The following GNAL variants were observed in gnomAD, a reference collection of about 807,000 sequenced individuals.
GNAL encodes G protein subunit alpha L, also known as guanine nucleotide-binding protein G(olf) subunit alpha.
A neutral mutation model predicts 55.1 loss-of-function variants in GNAL; 18 were observed. The ratio of observed to expected loss-of-function variants is 0.33; its 90% CI spans 0.23 to 0.48. The LOEUF (loss-of-function observed/expected upper bound fraction) is 0.48. Ranked by LOEUF, GNAL falls within the 20% of genes least tolerant of loss-of-function variation. The probability of loss-of-function intolerance (pLI) is 0.99; values close to 1 mark genes in which losing one functional copy is unlikely to be tolerated. For missense variants in GNAL, 412 were observed against 614.1 expected (o/e 0.67, Z 3.48); for synonymous variants, 253 against 237.0 (o/e 1.07, Z -0.62).
Position 11,743,183 on chromosome 18 carries a change from CAG to C in GNAL, c.377-9669_377-9668del, listed in dbSNP as rs60006476. On this transcript the variant is annotated intron_variant, in intron 1 of 11. Transcript: ENST00000334049. ...GCTAGTTCTAGGATTCATGTGGAAT[CAG>C]GTGTTAGCCTAGGGGCCACATGAGA... Among the ~76,000 whole-genome samples, 1,271 of 152,236 alleles carry C rather than the reference CAG, an allele frequency of 8.3e-3. 12 individuals are homozygous for C. Among genetic ancestry groups the C allele is most frequent in the African/African-American group, 0.029 (1,216 of 41,532 alleles).
Position 11,689,986 on chromosome 18 carries a change from C to T in GNAL, c.376+47C>T, listed in dbSNP as rs548003456. 1,317 of 1,109,764 alleles carry T rather than the reference C, an allele frequency of 1.2e-3. 13 individuals are homozygous for T. In the African/African-American group the frequency reaches 0.023, roughly 20 times the overall value. The allele number at this position is 1,109,764 out of a possible 1,614,324, so 68.7% of individuals were successfully genotyped here. A position where few individuals can be genotyped will look rare whatever the true frequency, so the allele number is the denominator to read the frequency against. On this transcript the variant is annotated intron_variant, in intron 1 of 11. Transcript: ENST00000334049. ...GGCTGACGCCCCGGGGACAGCGCGC[C>T]GGGCCCGCGGGGGCGGCGGGCACCG...
At chr18:11,794,220 A>G (rs778882383) in intron 4 of GNAL, among the ~76,000 whole-genome samples, 1 of 152,226 alleles carries the variant, frequency 6.6e-6, no homozygotes, top group Non-Finnish European at 1.5e-5. Flanking sequence ...ACATAGTACT[A>G]CCAAATGAAC....
chr18:11,818,025 C>T lies in GNAL; in HGVS notation c.625-6893C>T, dbSNP rs1040889476. 6.0e-5 allele frequency among the ~76,000 whole-genome samples: 9 copies of T among 150,822 alleles called. No individual in the cohort carries two copies. In the East Asian group the frequency reaches 1.8e-3, roughly 30 times the overall value. The stretch of plus-strand genomic sequence containing the variant: ...CTGAGACGGGCGGATCACTTGAGGC[C>T]AGCCTGGCCAATGTGGCAAAACCCC... On this transcript the variant is annotated intron_variant, in intron 4 of 11. Transcript: ENST00000334049.
At chr18:11,776,153 ACT>A (rs1183548210) in intron 4 of GNAL, among the ~76,000 whole-genome samples, 1 of 151,902 alleles carries the variant, frequency 6.6e-6, no homozygotes, top group East Asian at 1.9e-4. Context: ...TGCAAATCTG[ACT>A]CTGCTGGCTT....
intron 5 of GNAL, among the ~76,000 whole-genome samples, chr18:11,849,237 C>T (rs1004777252): frequency 2.0e-5 from 3 of 152,192 alleles, no homozygotes; most frequent in African/African-American, 7.2e-5. Flanking sequence ...CACGGTGGCC[C>T]ACGCCTATAA....
chr18:11,745,768 C>T (rs142626874), intron 1 of GNAL: 40 of 162,448 alleles, frequency 2.5e-4, no homozygotes, highest in Non-Finnish European at 4.6e-4. Flanking sequence ...GGAATGCAGC[C>T]GATTTGAGTG....
At chr18:11,691,843 C>T (rs903358070) in intron 1 of GNAL, among the ~76,000 whole-genome samples, 19 of 152,142 alleles carry the variant, frequency 1.2e-4, no homozygotes, top group South Asian at 2.1e-4. Context: ...GGTGGCGGGC[C>T]GCAGTGTGCT....
chr18:11,694,041 T>C (rs2031335664), intron 1 of GNAL, among the ~76,000 whole-genome samples: 1 of 151,918 alleles, frequency 6.6e-6, no homozygotes, highest in Non-Finnish European at 1.5e-5. Flanking sequence ...TATATAGAGA[T>C]GGGGTTTCAC....
intron 1 of GNAL, among the ~76,000 whole-genome samples, chr18:11,734,827 C>G (rs1352732628): frequency 2.7e-5 from 4 of 150,374 alleles, no homozygotes; most frequent in Non-Finnish European, 5.9e-5. Flanking sequence ...CAGAGAACCA[C>G]AGCAACCAGG....
intron 4 of GNAL, chr18:11,810,763 C>A (rs1181267449): frequency 1.3e-5 from 2 of 152,468 alleles, no homozygotes; most frequent in African/African-American, 2.4e-5. Flanking sequence ...TTTTCCTAGT[C>A]ATCTGTTGCC....
At chr18:11,777,326 C>T (rs2033812275) in intron 4 of GNAL, among the ~76,000 whole-genome samples, 1 of 152,202 alleles carries the variant, frequency 6.6e-6, no homozygotes, top group Non-Finnish European at 1.5e-5. Flanking sequence ...TCACAGTCAG[C>T]TCCCTGTGTT....
chr18:11,865,214 T>A (rs1191672618), intron 7 of GNAL, among the ~76,000 whole-genome samples: 1 of 120,566 alleles, frequency 8.3e-6, no homozygotes, highest in Non-Finnish European at 1.8e-5. Context: ...TGGATCGTGC[T>A]GTTCCTCTGC....
At chr18:11,746,790 T>C (rs1029913689) in intron 1 of GNAL, 1 of 441,908 alleles carries the variant, frequency 2.3e-6, no homozygotes, top group Non-Finnish European at 4.5e-6. Context: ...GTGACTGGCA[T>C]GGAGGGCAGC....
At chr18:11,782,466 A>T (rs745568837) in intron 4 of GNAL, among the ~76,000 whole-genome samples, 1 of 152,250 alleles carries the variant, frequency 6.6e-6, no homozygotes, top group Non-Finnish European at 1.5e-5. Flanking sequence ...AAACAAGCAT[A>T]ACTAAGTACT....
intron 5 of GNAL, among the ~76,000 whole-genome samples, chr18:11,861,647 G>C (rs1428099658): frequency 6.6e-6 from 1 of 152,184 alleles, no homozygotes; most frequent in Non-Finnish European, 1.5e-5. Flanking sequence ...TGCAGGGGCC[G>C]TGGTCACTCA....
At chr18:11,860,375 C>T (rs1329292627) in intron 5 of GNAL, among the ~76,000 whole-genome samples, 2 of 152,144 alleles carry the variant, frequency 1.3e-5, no homozygotes, top group Admixed American at 6.6e-5. Context: ...GTTAAGATGT[C>T]CAAGGAAATT....
Position 11,707,191 on chromosome 18 carries a change from T to C in GNAL, c.376+17252T>C, listed in dbSNP as rs114114808. On this transcript the variant is annotated intron_variant, in intron 1 of 11. Transcript: ENST00000334049. Reference sequence around the variant, plus strand: ...CTTGGCTAATCCAGAAGGCTTCTAATTTACTTTGCTTAGGTCCATTAGAGC... The same window carrying C: ...CTTGGCTAATCCAGAAGGCTTCTAACTTACTTTGCTTAGGTCCATTAGAGC... Among the ~76,000 whole-genome samples the C allele has an allele frequency of 6.2e-3, 937 of 152,322 alleles. 4 individuals are homozygous for C. The highest frequency in any genetic ancestry group is 0.021 in the African/African-American group (877 of 41,568).
At chr18:11,784,435 C>T (rs2034002755) in intron 4 of GNAL, among the ~76,000 whole-genome samples, 1 of 152,206 alleles carries the variant, frequency 6.6e-6, no homozygotes, top group Non-Finnish European at 1.5e-5. Flanking sequence ...CCTTGCCACA[C>T]CTTCATGATG....
intron 4 of GNAL, among the ~76,000 whole-genome samples, chr18:11,786,113 T>C (rs980319525): frequency 1.4e-4 from 22 of 152,188 alleles, no homozygotes; most frequent in African/African-American, 5.3e-4. Context: ...TTTTGTGTGC[T>C]TATTTCAGCT....
Sources: gnomAD v4.1 joint callset for allele counts (sites outside exome capture counted in the v4.1 genomes callset) on GRCh38, gnomAD v4.1.1 for gene constraint, MANE v1.5 for transcripts, NCBI Gene and HGNC (gene_info 2026-07-23, HGNC 2026-07-21) for gene names.